Variants in NDUFA10 observed in about 807,000 individuals in gnomAD.
NDUFA10 encodes the protein NADH:ubiquinone oxidoreductase subunit A10.
NDUFA10 carries 40 observed loss-of-function variants against 47.8 expected under a neutral mutation model. That is an observed-to-expected ratio of 0.84 (90% confidence interval 0.65 to 1.09). The LOEUF (loss-of-function observed/expected upper bound fraction) is 1.09. Among genes scored for constraint, NDUFA10 ranks in the 50% least tolerant of loss-of-function variants. The pLI, the probability that NDUFA10 is intolerant of heterozygous loss-of-function variation, is 0.00. For synonymous variants in NDUFA10, 183 were observed against 172.2 expected, an observed-to-expected ratio of 1.06 and a Z score of -0.49; for missense variants, 413 against 451.1, an observed-to-expected ratio of 0.92 and a Z score of 0.76.
intron 9 of NDUFA10, among the ~76,000 whole-genome samples, chr2:239,963,571 G>C (rs4076744): frequency 0.46 from 69,406 of 152,078 alleles, 16,151 homozygotes; most frequent in African/African-American, 0.53. Flanking sequence ...GCCTGGGTGA[G>C]AGAGAGAAAG....
intron 4 of NDUFA10, among the ~76,000 whole-genome samples, chr2:239,923,909 A>C (rs1405162529): frequency 6.6e-6 from 1 of 152,168 alleles, no homozygotes; most frequent in Non-Finnish European, 1.5e-5. Context: ...CTGGAAATGA[A>C]ACAGGTGATA....
intron 9 of NDUFA10, among the ~76,000 whole-genome samples, chr2:239,985,104 A>T (rs75138581): frequency 0.033 from 5,039 of 152,208 alleles, 298 homozygotes; most frequent in African/African-American, 0.11. Context: ...CTCCACAAAA[A>T]ATGACTGCCA....
intron 9 of NDUFA10, among the ~76,000 whole-genome samples, chr2:239,964,769 G>A (rs1202924945): frequency 6.6e-6 from 1 of 152,222 alleles, no homozygotes; most frequent in African/African-American, 2.4e-5. Flanking sequence ...CGGTAACGCT[G>A]TAGTTGGTTC....
intron 5 of NDUFA10, chr2:240,012,576 G>C (rs1316255843): frequency 2.0e-5 from 3 of 152,200 alleles, no homozygotes; most frequent in African/African-American, 2.4e-5. Flanking sequence ...ATTATGGCAA[G>C]AGTGGCAACA....
chr2:239,908,273 G>A (rs1342841937), intron 4 of NDUFA10, among the ~76,000 whole-genome samples: 3 of 152,174 alleles, frequency 2.0e-5, no homozygotes, highest in Non-Finnish European at 4.4e-5. Context: ...GGGAGGGATA[G>A]CATTAGGAGA....
rs1693676300 is a variant in NDUFA10, at chr2:239,907,517, C to A, written c.295-12203G>T. On this transcript the variant is annotated intron_variant, in intron 4 of 5. Coordinates refer to the NDUFA10 transcript ENST00000419408. ...TACCCATCTAACAAAGGGCTAATAT[C>A]CAGAATCTACAAAGAACTTAAACAA... 3.3e-5 allele frequency among the ~76,000 whole-genome samples: 5 copies of A among 152,308 alleles called. No individual in the cohort carries two copies. In the South Asian group the frequency reaches 1.0e-3, roughly 32 times the overall value.
intron 4 of NDUFA10, among the ~76,000 whole-genome samples, chr2:239,926,575 T>C (rs13418125): frequency 0.034 from 5,191 of 151,824 alleles, 299 homozygotes; most frequent in African/African-American, 0.12. Context: ...TAGTACACTA[T>C]ACTTTTTATC....
At chr2:239,904,592 G>A (rs1188248536) in intron 4 of NDUFA10, among the ~76,000 whole-genome samples, 2 of 152,226 alleles carry the variant, frequency 1.3e-5, no homozygotes, top group African/African-American at 2.4e-5. Context: ...ACCATGCCCA[G>A]CCCCTGCTTT....
intron 9 of NDUFA10, chr2:239,973,440 T>C (rs1313816682): frequency 2.2e-6 from 1 of 452,472 alleles, no homozygotes; most frequent in African/African-American, 2.1e-5. Flanking sequence ...TTTTAAAAAA[T>C]GGTAAGGGAG....
At chr2:239,931,177 G>A (rs759878166) in intron 4 of NDUFA10, among the ~76,000 whole-genome samples, 1 of 152,176 alleles carries the variant, frequency 6.6e-6, no homozygotes, top group Non-Finnish European at 1.5e-5. Context: ...GCTCTTTGGG[G>A]CAGACCGGCT....
chr2:239,934,110 C>T (rs887577805), intron 4 of NDUFA10, among the ~76,000 whole-genome samples: 1 of 152,178 alleles, frequency 6.6e-6, no homozygotes, highest in African/African-American at 2.4e-5. Flanking sequence ...TCCTGCTGGC[C>T]TCAAGCAATT....
intron 9 of NDUFA10, among the ~76,000 whole-genome samples, chr2:239,964,604 A>C (rs78936532): frequency 0.017 from 2,643 of 152,272 alleles, 33 homozygotes; most frequent in Non-Finnish European, 0.026. Flanking sequence ...GAACAGGTCG[A>C]GGATGCAGGA....
chr2:240,009,202 A>T (rs1322145063), intron 6 of NDUFA10, among the ~76,000 whole-genome samples: 2 of 152,218 alleles, frequency 1.3e-5, no homozygotes, highest in Non-Finnish European at 2.9e-5. Flanking sequence ...AACTCGCTAC[A>T]TGTCAGGCTG....
chr2:239,921,114 G>C lies in NDUFA10; in HGVS notation c.295-25800C>G, dbSNP rs1391947179. ...CCAATATTATTTGCAAATCAATATGGTGGCTCGAACCTAAGGAAACTTTAG... is the reference window on the plus strand; with the variant it reads ...CCAATATTATTTGCAAATCAATATGCTGGCTCGAACCTAAGGAAACTTTAG... On this transcript the variant is annotated intron_variant, in intron 4 of 5. Transcript: ENST00000419408. Among the ~76,000 whole-genome samples the C allele has an allele frequency of 2.6e-5, 4 of 152,222 alleles. No individual in the cohort carries two copies. In the East Asian group the frequency reaches 7.8e-4, roughly 30 times the overall value.
chr2:239,927,884 G>A (rs192999740), intron 4 of NDUFA10, among the ~76,000 whole-genome samples: 1 of 152,344 alleles, frequency 6.6e-6, no homozygotes, highest in Non-Finnish European at 1.5e-5. Flanking sequence ...GGCAAGGCTG[G>A]TGGGCCCATC....
At chr2:239,981,946 G>A (rs150977464) in intron 9 of NDUFA10, among the ~76,000 whole-genome samples, 58 of 151,956 alleles carry the variant, frequency 3.8e-4, no homozygotes, top group African/African-American at 1.2e-3. Context: ...GCCTAGCAGG[G>A]TAATGGGCTT....
At chr2:239,974,137 C>T (rs1424612838) in intron 9 of NDUFA10, among the ~76,000 whole-genome samples, 4 of 152,244 alleles carry the variant, frequency 2.6e-5, no homozygotes, top group African/African-American at 4.8e-5. Flanking sequence ...CCATGTTGGC[C>T]AGGCTGATCT....
At chr2:239,985,635 G>C (rs183371671) in intron 9 of NDUFA10, among the ~76,000 whole-genome samples, 226 of 152,276 alleles carry the variant, frequency 1.5e-3, no homozygotes, top group African/African-American at 5.2e-3. Context: ...AAGGCAGACA[G>C]AAAATGTGGC....
chr2:239,923,573 A>T (rs1052156460), intron 4 of NDUFA10, among the ~76,000 whole-genome samples: 1 of 152,296 alleles, frequency 6.6e-6, no homozygotes, highest in East Asian at 1.9e-4. Flanking sequence ...ATACAGAAAA[A>T]ATAGAAATAA....
Sources: allele counts gnomAD v4.1 joint callset (sites outside exome capture counted in the v4.1 genomes callset), GRCh38; gene constraint gnomAD v4.1.1; transcripts MANE v1.5; gene names NCBI Gene and HGNC (gene_info 2026-07-23, HGNC 2026-07-21).